Variants in SH3KBP1 observed in about 807,000 individuals in gnomAD.
The protein encoded by SH3KBP1 is SH3 domain containing kinase binding protein 1.
SH3KBP1 carries 8 observed loss-of-function variants against 50.1 expected under a neutral mutation model. That is an observed-to-expected ratio of 0.16 (90% confidence interval 0.09 to 0.29). The LOEUF (loss-of-function observed/expected upper bound fraction) is 0.29, where lower values mean the gene tolerates loss of function less well. SH3KBP1 is among the 10% of genes least tolerant of loss of function. The probability of loss-of-function intolerance (pLI) is 1.00; values close to 1 mark genes in which losing one functional copy is unlikely to be tolerated. For missense variants in SH3KBP1, 377 were observed against 535.2 expected (o/e 0.70, Z 2.92); for synonymous variants, 227 against 218.6 (o/e 1.04, Z -0.34).
chrX:19,557,509 CAGT>C (rs2065527857), intron 13 of SH3KBP1, among the ~76,000 whole-genome samples: 1 of 112,184 alleles, frequency 8.9e-6, no homozygotes. Context: ...CAGCACTGTC[CAGT>C]AGAACTTGCT....
At chrX:19,783,450 G>C (rs185106807) in intron 2 of SH3KBP1, among the ~76,000 whole-genome samples, 63 of 111,432 alleles carry the variant, frequency 5.7e-4, no homozygotes, top group South Asian at 1.9e-3. Flanking sequence ...ACAATAAACT[G>C]TTGTTTATAG....
intron 13 of SH3KBP1, among the ~76,000 whole-genome samples, 197 bp from the exon 14 acceptor site, chrX:19,550,280 T>C (rs1189112890): frequency 8.9e-6 from 1 of 111,879 alleles, no homozygotes; most frequent in Non-Finnish European, 1.9e-5. Context: ...CCTTCTTAGT[T>C]TAACAAGCTA....
intron 2 of SH3KBP1, among the ~76,000 whole-genome samples, chrX:19,819,390 G>A (rs186909005): frequency 5.4e-5 from 6 of 111,510 alleles, no homozygotes; most frequent in East Asian, 2.8e-4. Flanking sequence ...CTGGAGTGCA[G>A]TGGCACAATC....
chrX:19,837,235 T>C (rs2068083488), intron 1 of SH3KBP1, among the ~76,000 whole-genome samples: 1 of 111,812 alleles, frequency 8.9e-6, no homozygotes, highest in African/African-American at 3.3e-5. Flanking sequence ...TCTCAACAGA[T>C]GAGCTCTTAC....
chrX:19,542,432 G>A (rs891598050), intron 15 of SH3KBP1, among the ~76,000 whole-genome samples: 6 of 111,728 alleles, frequency 5.4e-5, no homozygotes, highest in African/African-American at 1.3e-4. Flanking sequence ...GAGAGTTTCC[G>A]ACTGGTTCAA....
chrX:19,726,641 A>G (rs182607032), intron 3 of SH3KBP1, among the ~76,000 whole-genome samples: 1 of 107,087 alleles, frequency 9.3e-6, no homozygotes. Context: ...TTATGCAGCA[A>G]TATTGTAGCA....
At chrX:19,656,875 G>A (rs983502508) in intron 6 of SH3KBP1, among the ~76,000 whole-genome samples, 1 of 112,014 alleles carries the variant, frequency 8.9e-6, no homozygotes, top group African/African-American at 3.2e-5. Context: ...ATATGAAAAA[G>A]CATCTTTCTA....
intron 13 of SH3KBP1, among the ~76,000 whole-genome samples, chrX:19,563,575 C>T (rs2065747151): frequency 8.9e-6 from 1 of 112,497 alleles, no homozygotes; most frequent in South Asian, 3.7e-4. Context: ...TCAGCACAAT[C>T]TCTTTTGCTT....
At chrX:19,716,088 C>T (rs1042842897) in intron 3 of SH3KBP1, among the ~76,000 whole-genome samples, 1 of 112,080 alleles carries the variant, frequency 8.9e-6, no homozygotes, top group South Asian at 3.7e-4. Context: ...TAGATTCACA[C>T]ATTTTTTACT....
At chrX:19,879,163 T>C (rs1425713341) in intron 1 of SH3KBP1, among the ~76,000 whole-genome samples, 1 of 112,418 alleles carries the variant, frequency 8.9e-6, no homozygotes, top group Non-Finnish European at 1.9e-5. Context: ...GAGGATCGCT[T>C]GAGCCTGGGA....
intron 2 of SH3KBP1, among the ~76,000 whole-genome samples, chrX:19,816,979 T>C: frequency 8.9e-6 from 1 of 111,954 alleles, no homozygotes; most frequent in Middle Eastern, 4.6e-3. Context: ...AGTTTCACTT[T>C]TTTTGTCTAT....
chrX:19,793,968 T>C (rs1345958439), intron 2 of SH3KBP1, among the ~76,000 whole-genome samples: 2 of 110,629 alleles, frequency 1.8e-5, no homozygotes, highest in East Asian at 5.6e-4. Context: ...ACCAGAACAT[T>C]TCAGAGTGAA....
intron 2 of SH3KBP1, among the ~76,000 whole-genome samples, chrX:19,801,119 G>C (rs1319587429): frequency 1.8e-5 from 2 of 111,575 alleles, no homozygotes; most frequent in Non-Finnish European, 3.8e-5. Flanking sequence ...GTGGGCAGGG[G>C]GAACAAAGCT....
At chrX:19,692,505 C>A (rs2063310936) in intron 5 of SH3KBP1, among the ~76,000 whole-genome samples, 1 of 109,170 alleles carries the variant, frequency 9.2e-6, no homozygotes, top group South Asian at 3.9e-4. Context: ...GTAACTACTT[C>A]AAATACTTTC....
intron 4 of SH3KBP1, among the ~76,000 whole-genome samples, chrX:19,703,698 G>C (rs868184470): frequency 0.013 from 159 of 12,133 alleles, no homozygotes; most frequent in African/African-American, 0.057. Flanking sequence ...AAGAGAAACT[G>C]TGTGTGTGTG....
chrX:19,848,777 A>T (rs2068427443), intron 1 of SH3KBP1, among the ~76,000 whole-genome samples: 1 of 110,620 alleles, frequency 9.0e-6, no homozygotes, highest in Non-Finnish European at 1.9e-5. Context: ...ATATTGATTG[A>T]TTGATTGATT....
At chrX:19,838,701 A>T (rs966490821) in intron 1 of SH3KBP1, among the ~76,000 whole-genome samples, 1 of 110,379 alleles carries the variant, frequency 9.1e-6, no homozygotes, top group African/African-American at 3.3e-5. Context: ...TACCTAGCCA[A>T]CATGATGAAG....
At chrX:19,852,235 C>A (rs1484785742) in intron 1 of SH3KBP1, among the ~76,000 whole-genome samples, 1 of 111,211 alleles carries the variant, frequency 9.0e-6, no homozygotes, top group Non-Finnish European at 1.9e-5. Context: ...TGTGAGGGAC[C>A]CAGCCTTCAG....
chrX:19,587,918 C>T (rs1424740186), intron 12 of SH3KBP1, among the ~76,000 whole-genome samples: 1 of 112,463 alleles, frequency 8.9e-6, no homozygotes, highest in African/African-American at 3.2e-5. Context: ...TATATATTTT[C>T]ATATTATGGT....
Sources: allele counts gnomAD v4.1 joint callset (sites outside exome capture counted in the v4.1 genomes callset), GRCh38; gene constraint gnomAD v4.1.1; transcripts MANE v1.5; gene names NCBI Gene and HGNC (gene_info 2026-07-23, HGNC 2026-07-21).